PLCZ1: variants seen among roughly 807,000 people sequenced by gnomAD.
The protein encoded by PLCZ1 is phospholipase C zeta 1.
PLCZ1 carries 64 observed loss-of-function variants against 76.8 expected under a neutral mutation model. The observed-to-expected ratio is 0.83, with a 90% CI of 0.68 to 1.03. The LOEUF is 1.03. PLCZ1 is among the 50% of genes least tolerant of loss of function. The probability of loss-of-function intolerance (pLI) is 0.00; values close to 1 mark genes in which losing one functional copy is unlikely to be tolerated. For synonymous variants in PLCZ1, 248 were observed against 230.8 expected, an observed-to-expected ratio of 1.07 and a Z score of -0.68; for missense variants, 751 against 713.7, an observed-to-expected ratio of 1.05 and a Z score of -0.60.
At chr12:18,679,512 A>G (rs888710981), downstream of PLCZ1, among the ~76,000 whole-genome samples, 8 of 151,978 alleles carry the variant, frequency 5.3e-5, no homozygotes, top group Non-Finnish European at 1.0e-4. Context: ...AGATGGCCCT[A>G]GATTAATAAC....
At chr12:18,701,354 G>T in intron 9 of PLCZ1, 147 bp downstream of exon 9, 1 of 1,408,484 alleles carries the variant, frequency 7.1e-7, no homozygotes, top group Non-Finnish European at 9.5e-7. Flanking sequence ...TTCCACCATC[G>T]ATGTTTTCAA....
chr12:18,649,926 C>G, the PLCZ1 span, among the ~76,000 whole-genome samples: 1 of 152,020 alleles, frequency 6.6e-6, no homozygotes, highest in African/African-American at 2.4e-5. Context: ...TCCTCTCCAC[C>G]ACCTCCAGTG....
intron 4 of PLCZ1, 137 bp from the exon 5 acceptor site, chr12:18,719,769 ATATT>A (rs1163817534): frequency 1.4e-5 from 7 of 511,228 alleles, no homozygotes; most frequent in Non-Finnish European, 6.4e-6. Context: ...TATTAATACT[ATATT>A]TATGTTGTTT....
chr12:18,688,290 G>A (rs1395791688), intron 12 of PLCZ1, 72 bp from the exon 13 acceptor site: 2 of 1,482,100 alleles, frequency 1.3e-6, no homozygotes. Flanking sequence ...TCAAAATTAA[G>A]TTATGTATTA....
rs56957842 is a variant in PLCZ1 at position 18,703,894 on chromosome 12, AC to A, written c.864+1271del. ...AAATAAGGAAAATACAGAGGGCAAT[AC>A]CCAAATATTACAAAAATATTGTTAT... On this transcript the variant is annotated intron_variant, in intron 7 of 14. Coordinates refer to ENST00000266505, the MANE Select transcript of PLCZ1 (RefSeq NM_033123.4). Among the ~76,000 whole-genome samples, 1,027 of 152,322 alleles carry A rather than the reference AC, an allele frequency of 6.7e-3. 3 individuals carry two copies. Among genetic ancestry groups the A allele is most frequent in the African/African-American group, 0.023 (943 of 41,574 alleles).
Position 18,699,887 on chromosome 12 carries a change from A to T in PLCZ1, c.1081T>A (p.Phe361Ile). 1 of 1,612,944 alleles carries T rather than the reference A, an allele frequency of 6.2e-7. No homozygotes were observed. Among genetic ancestry groups the T allele is most frequent in the Non-Finnish European group, 8.5e-7 (1 of 1,179,536 alleles). The change falls in exon 10 of 15, where the codon TTC becomes ATC. Residue 361 changes from phenylalanine to isoleucine, a missense_variant. By Grantham distance (21) the Phe-to-Ile change is conservative. Transcript: ENST00000266505. ...DLVIYTKAEK[F>I]KSFQHSRLYQ... is the part of the protein sequence containing the mutation. Reference sequence around the variant, plus strand: ...AATCTTGAATGTTGAAAGCTTTTGAATTTCTCAGCTTTCGTATAAATGACA... The same window carrying T: ...AATCTTGAATGTTGAAAGCTTTTGATTTTCTCAGCTTTCGTATAAATGACA...
intron 4 of PLCZ1, among the ~76,000 whole-genome samples, chr12:18,722,874 A>AT (rs1312038937): frequency 6.6e-6 from 1 of 151,870 alleles, no homozygotes; most frequent in African/African-American, 2.4e-5. Context: ...TCTTCTTAGA[A>AT]TTTTTTTTCA....
At chr12:18,734,136 G>T (rs1428918733) in intron 3 of PLCZ1, among the ~76,000 whole-genome samples, 1 of 152,158 alleles carries the variant, frequency 6.6e-6, no homozygotes, top group African/African-American at 2.4e-5. Context: ...TTCATCAGTG[G>T]TTTACAGTTT....
chr12:18,678,720 C>T (rs1260873039), downstream of PLCZ1, among the ~76,000 whole-genome samples: 1 of 151,914 alleles, frequency 6.6e-6, no homozygotes, highest in African/African-American at 2.4e-5. Context: ...TTGGATATAA[C>T]ATCATTTGTT....
At chr12:18,688,691 GGGT>G (rs1953572083) in intron 12 of PLCZ1, among the ~76,000 whole-genome samples, 1 of 151,796 alleles carries the variant, frequency 6.6e-6, no homozygotes, top group Non-Finnish European at 1.5e-5. Context: ...ATTAGGGACT[GGGT>G]ATCAAAAAAA....
At chr12:18,718,561 CACTT>C (rs1347964130) in intron 5 of PLCZ1, among the ~76,000 whole-genome samples, 1 of 152,090 alleles carries the variant, frequency 6.6e-6, no homozygotes, top group African/African-American at 2.4e-5. Flanking sequence ...ACATGCCAAT[CACTT>C]ACTCTGTTTA....
At chr12:18,679,096 T>C (rs1344747267), downstream of PLCZ1, among the ~76,000 whole-genome samples, 1 of 152,114 alleles carries the variant, frequency 6.6e-6, no homozygotes, top group African/African-American at 2.4e-5. Context: ...GAGCTTCTTT[T>C]CATGTGCTTA....
At chr12:18,717,724 C>G (rs2137499116) in intron 5 of PLCZ1, among the ~76,000 whole-genome samples, 1 of 152,248 alleles carries the variant, frequency 6.6e-6, no homozygotes, top group Admixed American at 6.5e-5. Flanking sequence ...GAATGAACAT[C>G]TTGATTCCTC....
intron 6 of PLCZ1, among the ~76,000 whole-genome samples, chr12:18,709,829 A>G (rs1046085951): frequency 6.6e-6 from 1 of 151,992 alleles, no homozygotes; most frequent in Non-Finnish European, 1.5e-5. Flanking sequence ...TGTGTCTCCA[A>G]TTTCTTTCAT....
At chr12:18,733,277 T>A (rs1287798243) in intron 3 of PLCZ1, among the ~76,000 whole-genome samples, 1 of 152,226 alleles carries the variant, frequency 6.6e-6, no homozygotes, top group Non-Finnish European at 1.5e-5. Context: ...ATACAATCCC[T>A]TTGCACATTT....
chr12:18,655,054 T>TTA, the PLCZ1 span, among the ~76,000 whole-genome samples: 1 of 151,088 alleles, frequency 6.6e-6, no homozygotes, highest in South Asian at 2.1e-4. Flanking sequence ...GAAACAATAA[T>TTA]AAAAAAAAAT....
chr12:18,693,389 T>C, intron 12 of PLCZ1: 1 of 1,604,494 alleles, frequency 6.2e-7, no homozygotes, highest in Non-Finnish European at 8.5e-7. Flanking sequence ...TGGAGCTTCC[T>C]CTCACCCATC....
the PLCZ1 span, among the ~76,000 whole-genome samples, chr12:18,650,347 ATGTGTGTGTGTGTG>A: frequency 1.5e-4 from 17 of 114,566 alleles, no homozygotes; most frequent in African/African-American, 4.3e-4. Flanking sequence ...ATATATATAT[ATGTGTGTGTGTGTG>A]TGTGTGTGTG....
In PLCZ1 at chr12:18,736,293, T is replaced by C. The variant is rs1487988798; in HGVS notation, c.63A>G (p.Leu21=). 1.9e-6 allele frequency: 3 copies of C among 1,612,790 alleles called. No individual in the cohort carries two copies. The highest frequency in any genetic ancestry group is 2.2e-5 in the East Asian group (1 of 44,704). The change falls in exon 3 of 15, where the codon CTA becomes CTG. Residue 21 remains leucine, a synonymous_variant. Coordinates refer to ENST00000266505, the MANE Select transcript of PLCZ1 (RefSeq NM_033123.4). ...QDDFRGGKIN[L]EKTQRLLEKL... ...TTTCAAGTAACCTCTGAGTTTTTTC[T>C]AGGTTAATTTTTCCACCTCTGAAGT...
Sources: allele counts gnomAD v4.1 joint callset (sites outside exome capture counted in the v4.1 genomes callset), GRCh38; gene constraint gnomAD v4.1.1; transcripts MANE v1.5; gene names NCBI Gene and HGNC (gene_info 2026-07-23, HGNC 2026-07-21).